TGFBRAP1: variants seen among roughly 807,000 people sequenced by gnomAD.
TGFBRAP1 encodes the protein transforming growth factor beta receptor associated protein 1, also known as transforming growth factor-beta receptor-associated protein 1.
TGFBRAP1 carries 20 observed loss-of-function variants against 83.2 expected under a neutral mutation model. That is an observed-to-expected ratio of 0.24 (90% CI 0.17 to 0.35). The LOEUF is 0.35. Among genes scored for constraint, TGFBRAP1 ranks in the 10% least tolerant of loss-of-function variants. The pLI, the probability that TGFBRAP1 is intolerant of heterozygous loss-of-function variation, is 1.00. For synonymous variants in TGFBRAP1, 415 were observed against 459.8 expected (o/e 0.90, Z 1.25); for missense variants, 950 against 1,099.4 (o/e 0.86, Z 1.92).
chr2:105,293,629 C>T (rs1356947071), intron 4 of TGFBRAP1, among the ~76,000 whole-genome samples: 1 of 152,200 alleles, frequency 6.6e-6, no homozygotes, highest in Non-Finnish European at 1.5e-5. Context: ...TGTAGTTAAC[C>T]ATATGAGCTG....
intron 1 of TGFBRAP1, 83 bp from the exon 2 acceptor site, chr2:105,308,401 C>G: frequency 3.1e-6 from 4 of 1,302,270 alleles, no homozygotes; most frequent in Non-Finnish European, 4.1e-6. Context: ...CGTGGATTCC[C>G]TAGTTGTCAT....
intron 2 of TGFBRAP1, among the ~76,000 whole-genome samples, chr2:105,300,400 A>T (rs984357818): frequency 2.0e-5 from 3 of 151,518 alleles, no homozygotes; most frequent in Admixed American, 1.3e-4. Flanking sequence ...ATCAATCCTA[A>T]CACTACAACC....
At chr2:105,267,885 A>T (rs1430030811) in intron 11 of TGFBRAP1, 1 of 985,400 alleles carries the variant, frequency 1.0e-6, no homozygotes, top group Non-Finnish European at 1.2e-6. Flanking sequence ...TTAGAAAGTC[A>T]TGAATGTTAA....
At chr2:105,304,628 C>CA (rs1678431341) in intron 2 of TGFBRAP1, among the ~76,000 whole-genome samples, 3 of 152,158 alleles carry the variant, frequency 2.0e-5, no homozygotes, top group Admixed American at 1.3e-4. Context: ...ACTAAGAACA[C>CA]AAAAATTAGC....
chr2:105,309,508 C>T (rs979332473), intron 1 of TGFBRAP1, among the ~76,000 whole-genome samples: 7 of 152,188 alleles, frequency 4.6e-5, no homozygotes, highest in East Asian at 3.9e-4. Flanking sequence ...GAAAGGTTCA[C>T]GCATCAGGGA....
chr2:105,284,810 AACAG>A (rs1185105190), intron 4 of TGFBRAP1, among the ~76,000 whole-genome samples: 4 of 152,196 alleles, frequency 2.6e-5, no homozygotes, highest in Non-Finnish European at 5.9e-5. Context: ...TTCATAATGA[AACAG>A]ACAAACACCC....
the TGFBRAP1 span, among the ~76,000 whole-genome samples, chr2:105,256,151 C>T: frequency 6.6e-6 from 1 of 152,220 alleles, no homozygotes; most frequent in East Asian, 1.9e-4. Flanking sequence ...TCAAGATGAA[C>T]AGGCAGAATA....
chr2:105,326,822 A>C (rs1679237593), intron 1 of TGFBRAP1, among the ~76,000 whole-genome samples: 1 of 152,212 alleles, frequency 6.6e-6, no homozygotes, highest in African/African-American at 2.4e-5. Context: ...TAAATCTTTA[A>C]CTTTTTCAAC....
intron 6 of TGFBRAP1, 66 bp downstream of exon 6, chr2:105,280,316 C>T (rs1677490991): frequency 1.0e-5 from 16 of 1,528,032 alleles, no homozygotes; most frequent in South Asian, 2.5e-5. Flanking sequence ...AGGATCTCCC[C>T]AGCAAAGAGC....
rs1176527432 is a variant in TGFBRAP1, at chr2:105,267,288, C to T, written c.*95G>A. 1 of 1,514,124 alleles carries T rather than the reference C, an allele frequency of 6.6e-7. No individual in the cohort carries two copies. The highest frequency in any genetic ancestry group is 8.9e-7 in the Non-Finnish European group (1 of 1,125,966). The allele number at this position is 1,514,124 out of a possible 1,614,324, so 93.8% of individuals were successfully genotyped here. A position where few individuals can be genotyped will look rare whatever the true frequency, so the allele number is the denominator to read the frequency against. ...CTGGCACCCAGATGTCTCCCTTCGT[C>T]CTGGCTGACACAGAGCATGGTGGTC... On this transcript the variant is annotated 3_prime_UTR_variant, in exon 12 of 12. Coordinates refer to ENST00000393359, the MANE Select transcript of TGFBRAP1 (RefSeq NM_004257.6).
intron 4 of TGFBRAP1, among the ~76,000 whole-genome samples, chr2:105,284,985 T>C (rs1012315403): frequency 6.6e-6 from 1 of 152,232 alleles, no homozygotes; most frequent in Admixed American, 6.5e-5. Context: ...CACTTTGTTC[T>C]TGTTACATCC....
chr2:105,323,786 G>T (rs1410339311), intron 1 of TGFBRAP1, among the ~76,000 whole-genome samples: 8 of 152,182 alleles, frequency 5.3e-5, no homozygotes, highest in Admixed American at 5.2e-4. Flanking sequence ...AATCACTGAA[G>T]TCCCATCTGA....
chr2:105,273,741 C>G (rs376689112), intron 8 of TGFBRAP1, 51 bp from the exon 9 acceptor site: 1 of 1,586,884 alleles, frequency 6.3e-7, no homozygotes, highest in African/African-American at 1.4e-5. Context: ...CCCACCTTTC[C>G]TTTAACTTTA....
chr2:105,306,555 T>C (rs1678505636), intron 2 of TGFBRAP1, among the ~76,000 whole-genome samples: 1 of 150,974 alleles, frequency 6.6e-6, no homozygotes, highest in Non-Finnish European at 1.5e-5. Flanking sequence ...CCCAGCACTT[T>C]GGGAGGCCGA....
At chr2:105,287,987 C>A (rs1027625966) in intron 4 of TGFBRAP1, among the ~76,000 whole-genome samples, 1 of 152,120 alleles carries the variant, frequency 6.6e-6, no homozygotes, top group Non-Finnish European at 1.5e-5. Context: ...GGTGGCTACA[C>A]CAACTCCTAG....
chr2:105,293,884 G>A (rs1432199545), intron 4 of TGFBRAP1, among the ~76,000 whole-genome samples: 2 of 152,188 alleles, frequency 1.3e-5, no homozygotes, highest in Admixed American at 6.5e-5. Context: ...GCGCTGAGGG[G>A]TGACATGATA....
At chr2:105,279,776 C>G (rs1324987834) in intron 6 of TGFBRAP1, among the ~76,000 whole-genome samples, 3 of 152,008 alleles carry the variant, frequency 2.0e-5, no homozygotes, top group Admixed American at 1.3e-4. Context: ...AGTGGCTCAC[C>G]CCTGTAATCC....
At chr2:105,291,868 T>C (rs1280985134) in intron 4 of TGFBRAP1, among the ~76,000 whole-genome samples, 1 of 152,106 alleles carries the variant, frequency 6.6e-6, no homozygotes, top group Non-Finnish European at 1.5e-5. Context: ...TAAAAGAAAT[T>C]TGTATGCTTT....
chr2:105,307,356 C>T (rs1044138491), intron 2 of TGFBRAP1, among the ~76,000 whole-genome samples: 4 of 152,298 alleles, frequency 2.6e-5, no homozygotes, highest in Non-Finnish European at 4.4e-5. Context: ...CCCCACTTCC[C>T]GGTAACACCA....
Sources: gnomAD v4.1 joint callset for allele counts (sites outside exome capture counted in the v4.1 genomes callset) on GRCh38, gnomAD v4.1.1 for gene constraint, MANE v1.5 for transcripts, NCBI Gene and HGNC (gene_info 2026-07-23, HGNC 2026-07-21) for gene names.